DTNA: variants seen among roughly 807,000 people sequenced by gnomAD.
DTNA encodes the protein dystrobrevin alpha.
In DTNA, 43 loss-of-function variants were observed where a neutral mutation model predicts 100.7. The observed-to-expected ratio is 0.43, with a 90% CI of 0.33 to 0.55. The LOEUF (loss-of-function observed/expected upper bound fraction) is 0.55, where lower values mean the gene tolerates loss of function less well. DTNA is among the 20% of genes least tolerant of loss of function. The probability of loss-of-function intolerance (pLI) is 0.04; values close to 1 mark genes in which losing one functional copy is unlikely to be tolerated. For synonymous variants in DTNA, 349 were observed against 347.9 expected (o/e 1.00, Z -0.04); for missense variants, 798 against 953.9 (o/e 0.84, Z 2.15).
chr18:34,808,594 T>C (rs973510576), intron 5 of DTNA, among the ~76,000 whole-genome samples: 7 of 152,150 alleles, frequency 4.6e-5, no homozygotes, highest in African/African-American at 1.7e-4. Context: ...GGACTAGCAA[T>C]GTCAGCACAG....
intron 22 of DTNA, among the ~76,000 whole-genome samples, chr18:34,886,418 A>G (rs891729527): frequency 6.6e-6 from 1 of 152,198 alleles, no homozygotes; most frequent in East Asian, 1.9e-4. Flanking sequence ...TATTCACTCC[A>G]GTTATAACAA....
intron 1 of DTNA, among the ~76,000 whole-genome samples, chr18:34,601,016 C>A (rs987399490): frequency 6.6e-6 from 1 of 152,166 alleles, no homozygotes; most frequent in African/African-American, 2.4e-5. Flanking sequence ...TACCATTGGC[C>A]TAGAACAGGT....
intron 17 of DTNA, among the ~76,000 whole-genome samples, chr18:34,871,335 G>A (rs957081860): frequency 4.6e-5 from 7 of 152,210 alleles, no homozygotes; most frequent in Non-Finnish European, 7.3e-5. Context: ...AGTAGACTTG[G>A]AGGATGGTGC....
At chr18:34,820,313 CT>C (rs2095682079) in intron 8 of DTNA, among the ~76,000 whole-genome samples, 2 of 152,084 alleles carry the variant, frequency 1.3e-5, no homozygotes, top group Admixed American at 1.3e-4. Flanking sequence ...GAGAGCAGTC[CT>C]TCTAGAATCA....
chr18:34,561,587 C>A (rs1165421216), intron 1 of DTNA, among the ~76,000 whole-genome samples: 1 of 151,934 alleles, frequency 6.6e-6, no homozygotes, highest in Non-Finnish European at 1.5e-5. Context: ...ACAGGTTGGG[C>A]ATGGTGGCTC....
chr18:34,698,987 G>A lies in DTNA; in HGVS notation c.-1-56989G>A, dbSNP rs542090047. On this transcript the variant is annotated intron_variant, in intron 1 of 19. Coordinates refer to the DTNA transcript ENST00000283365. ...ATCATCACAACAGTCATTGGATTTA[G>A]GGCTCACCATAATCTAGTATGATCT... Among the ~76,000 whole-genome samples the A allele has an allele frequency of 1.3e-4, 20 of 150,544 alleles. No individual in the cohort carries two copies. In the South Asian group the frequency reaches 4.3e-3, roughly 32 times the overall value.
At chr18:34,688,445 T>G (rs1020431672) in intron 1 of DTNA, among the ~76,000 whole-genome samples, 3 of 152,248 alleles carry the variant, frequency 2.0e-5, no homozygotes, top group South Asian at 2.1e-4. Context: ...AAAATTCTTT[T>G]CTTTAAGAAT....
intron 1 of DTNA, among the ~76,000 whole-genome samples, chr18:34,625,519 A>C (rs2057201326): frequency 6.6e-6 from 1 of 152,212 alleles, no homozygotes. Flanking sequence ...ATTAGGTGCC[A>C]CAAAGGACAA....
upstream of DTNA, among the ~76,000 whole-genome samples, chr18:34,707,985 A>T (rs1483523622): frequency 1.3e-5 from 2 of 152,180 alleles, no homozygotes; most frequent in African/African-American, 4.8e-5. Flanking sequence ...TTTCTTACTT[A>T]CTTTTTAATG....
intron 1 of DTNA, among the ~76,000 whole-genome samples, chr18:34,609,392 C>T (rs747592678): frequency 2.6e-5 from 4 of 151,846 alleles, no homozygotes; most frequent in Non-Finnish European, 5.9e-5. Flanking sequence ...CTACAGGTAC[C>T]CGCCACCCCA....
At chr18:34,623,081 G>GTTATC (rs2056787304) in intron 1 of DTNA, among the ~76,000 whole-genome samples, 1 of 152,130 alleles carries the variant, frequency 6.6e-6, no homozygotes, top group South Asian at 2.1e-4. Flanking sequence ...TAACAAACAT[G>GTTATC]CTGTGTGTTA....
At chr18:34,593,646 TA>T (rs2049995052) in intron 1 of DTNA, 2 of 152,240 alleles carry the variant, frequency 1.3e-5, no homozygotes, top group East Asian at 3.8e-4. Context: ...TTCAGTGTTG[TA>T]GCTTGCTTAC....
At chr18:34,500,450 T>A (rs2039774241) in intron 1 of DTNA, among the ~76,000 whole-genome samples, 1 of 150,356 alleles carries the variant, frequency 6.7e-6, no homozygotes, top group Non-Finnish European at 1.5e-5. Context: ...TGTGTGTGTG[T>A]ATATAGTTGT....
chr18:34,739,246 A>G (rs1253137536), intron 1 of DTNA, among the ~76,000 whole-genome samples: 1 of 152,164 alleles, frequency 6.6e-6, no homozygotes, highest in Non-Finnish European at 1.5e-5. Context: ...ACTTAAAATA[A>G]TTATCATTTT....
chr18:34,871,452 T>C (rs973511320), intron 17 of DTNA, among the ~76,000 whole-genome samples: 1 of 152,188 alleles, frequency 6.6e-6, no homozygotes, highest in African/African-American at 2.4e-5. Flanking sequence ...CCTTGGGAAT[T>C]TTAGATCTAT....
At chr18:34,526,969 G>A (rs2042683815) in intron 1 of DTNA, among the ~76,000 whole-genome samples, 1 of 152,124 alleles carries the variant, frequency 6.6e-6, no homozygotes, top group South Asian at 2.1e-4. Flanking sequence ...CTAAGGAACA[G>A]ACACTGAAAT....
intron 15 of DTNA, among the ~76,000 whole-genome samples, chr18:34,853,047 T>G (rs2096502096): frequency 6.6e-6 from 1 of 152,176 alleles, no homozygotes; most frequent in African/African-American, 2.4e-5. Context: ...CTGGCAATTG[T>G]AGAAGCTCAG....
intron 8 of DTNA, among the ~76,000 whole-genome samples, chr18:34,819,087 G>T (rs1344596387): frequency 6.6e-6 from 1 of 152,174 alleles, no homozygotes; most frequent in African/African-American, 2.4e-5. Flanking sequence ...ATTGGTTTTT[G>T]TAAGGTGTAC....
At chr18:34,861,384 G>A (rs1022215690) in intron 16 of DTNA, among the ~76,000 whole-genome samples, 5 of 151,380 alleles carry the variant, frequency 3.3e-5, no homozygotes, top group East Asian at 3.9e-4. Flanking sequence ...TGCTGCAGAG[G>A]CTGAGACAGG....
Sources: gnomAD v4.1 joint callset for allele counts (sites outside exome capture counted in the v4.1 genomes callset) on GRCh38, gnomAD v4.1.1 for gene constraint, MANE v1.5 for transcripts, NCBI Gene and HGNC (gene_info 2026-07-23, HGNC 2026-07-21) for gene names.